VCF1: variants seen among roughly 807,000 people sequenced by gnomAD.
The protein encoded by VCF1 is protein VCF1.
chr17:73,212,762 ACAAT>A, the VCF1 span: 1 of 1,553,796 alleles, frequency 6.4e-7, no homozygotes, highest in Non-Finnish European at 8.8e-7. Context: ...GGCAAGAACT[ACAAT>A]CAGTTTCTAG....
the VCF1 span, among the ~76,000 whole-genome samples, chr17:73,216,982 A>C: frequency 0.58 from 87,895 of 151,794 alleles, 25,596 homozygotes; most frequent in Non-Finnish European, 0.62. Context: ...ATTCCACTTC[A>C]TAAAAAGAGA....
chr17:73,208,741 G>A, the VCF1 span: 1 of 450,146 alleles, frequency 2.2e-6, no homozygotes, highest in South Asian at 2.1e-5. Flanking sequence ...GATCATGTAA[G>A]CTGCTGACTG....
At chr17:73,207,955 C>T in the VCF1 span, 1 of 1,214,002 alleles carries the variant, frequency 8.2e-7, no homozygotes, top group Non-Finnish European at 1.0e-6. Flanking sequence ...AAAGCTCTTG[C>T]AAAAACCATC....
At chr17:73,211,674 A>C in the VCF1 span, among the ~76,000 whole-genome samples, 1 of 152,036 alleles carries the variant, frequency 6.6e-6, no homozygotes, top group Non-Finnish European at 1.5e-5. Context: ...ATCCTGGCCA[A>C]CAAGGTGAAA....
the VCF1 span, chr17:73,209,559 G>C: frequency 1.9e-6 from 3 of 1,588,644 alleles, no homozygotes; most frequent in Non-Finnish European, 2.6e-6. Flanking sequence ...GGTGCTGTAG[G>C]CTGTGGAAGT....
chr17:73,228,799 G>T, the VCF1 span, among the ~76,000 whole-genome samples: 2 of 152,210 alleles, frequency 1.3e-5, no homozygotes, highest in African/African-American at 4.8e-5. Context: ...GAATTTGAGT[G>T]GGAGTGTTCT....
the VCF1 span, among the ~76,000 whole-genome samples, chr17:73,215,506 T>G: frequency 3.9e-5 from 6 of 152,160 alleles, no homozygotes; most frequent in African/African-American, 9.7e-5. Flanking sequence ...ACTCCTGGGC[T>G]CAAGATATCC....
chr17:73,209,665 G>T, the VCF1 span: 1 of 1,551,778 alleles, frequency 6.4e-7, no homozygotes, highest in Non-Finnish European at 8.7e-7. Flanking sequence ...GCTGGATCCG[G>T]CCATGGTCTG....
At chr17:73,213,208 C>G in the VCF1 span, among the ~76,000 whole-genome samples, 1 of 150,162 alleles carries the variant, frequency 6.7e-6, no homozygotes, top group Non-Finnish European at 1.5e-5. Context: ...CACGCCACTG[C>G]ACTCCAGCCT....
At chr17:73,222,594 A>G in the VCF1 span, among the ~76,000 whole-genome samples, 1 of 152,034 alleles carries the variant, frequency 6.6e-6, no homozygotes, top group Non-Finnish European at 1.5e-5. Context: ...CCTGGCCAAC[A>G]TCGTGAAACC....
At chr17:73,207,382 T>G in the VCF1 span, 1 of 917,094 alleles carries the variant, frequency 1.1e-6, no homozygotes, top group South Asian at 1.4e-5. Context: ...ATGCTGCTTT[T>G]AATGGCGGCG....
At chr17:73,211,590 G>A in the VCF1 span, among the ~76,000 whole-genome samples, 2 of 148,300 alleles carry the variant, frequency 1.3e-5, no homozygotes, top group East Asian at 2.0e-4. Flanking sequence ...GGCCAGGCGC[G>A]GTGGCTCATG....
the VCF1 span, among the ~76,000 whole-genome samples, chr17:73,216,215 G>C: frequency 6.6e-6 from 1 of 152,164 alleles, no homozygotes; most frequent in African/African-American, 2.4e-5. Context: ...CTGTGGAAAT[G>C]ACAAGGAAGG....
chr17:73,224,960 G>GACAGCACAGCAGAGC, the VCF1 span, among the ~76,000 whole-genome samples: 3 of 47,272 alleles, frequency 6.3e-5, no homozygotes, highest in African/African-American at 1.5e-4. Context: ...CACAGGACAG[G>GACAGCACAGCAGAGC]ACAGCACAGC....
chr17:73,208,727 A>G, the VCF1 span: 5 of 472,758 alleles, frequency 1.1e-5, no homozygotes, highest in South Asian at 2.1e-5. Context: ...GGAATTGTCA[A>G]TGAGATCATG....
chr17:73,218,607 G>A, the VCF1 span, among the ~76,000 whole-genome samples: 3 of 152,116 alleles, frequency 2.0e-5, no homozygotes, highest in South Asian at 2.1e-4. Flanking sequence ...AACTGCTGCC[G>A]GGCGCGGTGG....
At chr17:73,209,202 T>C in the VCF1 span, 1 of 325,354 alleles carries the variant, frequency 3.1e-6, no homozygotes, top group Non-Finnish European at 5.6e-6. Context: ...GAGTTTCTAG[T>C]TGACAGATTT....
At chr17:73,217,958 C>T in the VCF1 span, among the ~76,000 whole-genome samples, 12 of 152,056 alleles carry the variant, frequency 7.9e-5, no homozygotes, top group African/African-American at 2.4e-4. Flanking sequence ...GGCGACAGAG[C>T]GAGACTCTAC....
the VCF1 span, chr17:73,207,414 T>C: frequency 1.3e-6 from 1 of 780,828 alleles, no homozygotes; most frequent in Non-Finnish European, 2.2e-6. Context: ...TACAAGGTTT[T>C]ACTAGCTTGA....
Sources: gnomAD v4.1 joint callset for allele counts (sites outside exome capture counted in the v4.1 genomes callset) on GRCh38, gnomAD v4.1.1 for gene constraint, MANE v1.5 for transcripts, NCBI Gene and HGNC (gene_info 2026-07-23, HGNC 2026-07-21) for gene names.